Variants in SGCZ observed in about 807,000 individuals in gnomAD.
The protein encoded by SGCZ is zeta-sarcoglycan.
In SGCZ, 40 loss-of-function variants were observed where a neutral mutation model predicts 41.3. The observed-to-expected ratio is 0.97, with a 90% confidence interval of 0.75 to 1.26. The LOEUF (loss-of-function observed/expected upper bound fraction) is 1.26. SGCZ is among the 50% of genes most tolerant of loss of function. The pLI is 0.00. For synonymous variants in SGCZ, 206 were observed against 137.5 expected, an observed-to-expected ratio of 1.50 and a Z score of -3.49; for missense variants, 552 against 369.8, an observed-to-expected ratio of 1.49 and a Z score of -4.04.
Position 14,132,234 on chromosome 8 carries a change from G to A in SGCZ, c.548-23999C>T, listed in dbSNP as rs138066227. ...CTTCTACCTGCTTAAATCTGCTACT[G>A]AGCTTGGCTAGTATATGTTCTATTT... On this transcript the variant is annotated intron_variant, in intron 5 of 7. Transcript: ENST00000382080. Among the ~76,000 whole-genome samples the A allele has an allele frequency of 5.9e-3, 891 of 152,028 alleles. 6 individuals carry two copies. The highest frequency in any genetic ancestry group is 0.02 in the African/African-American group (847 of 41,470).
intron 2 of SGCZ, among the ~76,000 whole-genome samples, chr8:14,425,575 C>T (rs759097461): frequency 3.3e-5 from 5 of 151,734 alleles, no homozygotes; most frequent in African/African-American, 4.8e-5. Context: ...GAGCCAAGAT[C>T]GCGCCACTGC....
intron 1 of SGCZ, among the ~76,000 whole-genome samples, chr8:14,624,543 T>TTTATTATTATTATTATTATTATTA (rs71209070): frequency 1.9e-5 from 1 of 52,994 alleles, no homozygotes; most frequent in South Asian, 7.8e-4. Flanking sequence ...ACTCCCCAAT[T>TTTATTATTATTATTATTATTATTA]TTATTATTAT....
intron 1 of SGCZ, among the ~76,000 whole-genome samples, chr8:15,024,029 T>C (rs1261241602): frequency 6.6e-6 from 1 of 152,206 alleles, no homozygotes; most frequent in Non-Finnish European, 1.5e-5. Context: ...AAAAAGATCA[T>C]TACAAAAGTT....
chr8:14,319,360 A>C (rs1027783987), intron 3 of SGCZ: 5 of 152,010 alleles, frequency 3.3e-5, no homozygotes, highest in African/African-American at 4.8e-5. Flanking sequence ...GAGGCAAGGA[A>C]GGCATGAACC....
rs1020890334 is a variant in SGCZ, at chr8:14,086,427, G to A, written c.*4016C>T. ...GTATCAAATGCTATTTTTGTAAAAC[G>A]AGGCATTCTCTGATTGAGTCATTCG... On this transcript the variant is annotated 3_prime_UTR_variant, in exon 8 of 8. Coordinates refer to ENST00000382080, the MANE Select transcript of SGCZ (RefSeq NM_139167.4). 2.6e-5 allele frequency among the ~76,000 whole-genome samples: 4 copies of A among 151,660 alleles called. No individual in the cohort carries two copies. Among genetic ancestry groups the A allele is most frequent in the South Asian group, 2.1e-4 (1 of 4,820 alleles).
intron 2 of SGCZ, among the ~76,000 whole-genome samples, chr8:14,511,009 G>T (rs1017234832): frequency 4.6e-5 from 7 of 152,028 alleles, no homozygotes; most frequent in African/African-American, 1.7e-4. Flanking sequence ...AAGATAGATA[G>T]AAGATATTTA....
chr8:14,840,005 T>C (rs956179242), intron 1 of SGCZ, among the ~76,000 whole-genome samples: 6 of 152,114 alleles, frequency 3.9e-5, no homozygotes, highest in African/African-American at 1.4e-4. Flanking sequence ...TGCCTTTGTT[T>C]TTACACCACT....
At chr8:15,186,067 AAAAAAATAAATAAAT>A (rs1383656998) in intron 1 of SGCZ, among the ~76,000 whole-genome samples, 1 of 146,540 alleles carries the variant, frequency 6.8e-6, no homozygotes, top group East Asian at 2.0e-4. Context: ...ACTAAAAATA[AAAAAAATAAATAAAT>A]AAAAAATAAA....
chr8:14,268,717 C>G (rs1021903964), intron 3 of SGCZ, among the ~76,000 whole-genome samples: 2 of 151,668 alleles, frequency 1.3e-5, no homozygotes, highest in African/African-American at 2.4e-5. Context: ...ATTATAAAAA[C>G]AAAGATTATT....
At chr8:14,665,164 C>T (rs947635688) in intron 1 of SGCZ, among the ~76,000 whole-genome samples, 6 of 152,118 alleles carry the variant, frequency 3.9e-5, no homozygotes, top group African/African-American at 1.4e-4. Flanking sequence ...CCTCCCCCCT[C>T]TCCCCACCCC....
At chr8:14,971,162 T>C (rs1801282901) in intron 1 of SGCZ, among the ~76,000 whole-genome samples, 1 of 152,322 alleles carries the variant, frequency 6.6e-6, no homozygotes, top group African/African-American at 2.4e-5. Flanking sequence ...CTTTTTAAAA[T>C]ATTTTGTCTG....
At chr8:14,671,248 G>C (rs940970050) in intron 1 of SGCZ, among the ~76,000 whole-genome samples, 9 of 152,214 alleles carry the variant, frequency 5.9e-5, no homozygotes, top group African/African-American at 1.9e-4. Context: ...TCATGTGACA[G>C]TGGTATCTTT....
chr8:14,519,549 T>C (rs2117096836), intron 2 of SGCZ, among the ~76,000 whole-genome samples: 1 of 152,252 alleles, frequency 6.6e-6, no homozygotes. Flanking sequence ...ACATATTAGT[T>C]TTCTGAAAAA....
chr8:14,787,578 G>A (rs1800808754), intron 1 of SGCZ, among the ~76,000 whole-genome samples: 1 of 152,070 alleles, frequency 6.6e-6, no homozygotes. Context: ...GCGGGATACA[G>A]GTTCACCCCT....
intron 4 of SGCZ, among the ~76,000 whole-genome samples, chr8:14,213,897 A>G (rs1730559605): frequency 6.6e-6 from 1 of 152,160 alleles, no homozygotes; most frequent in African/African-American, 2.4e-5. Context: ...GTTTTATAAT[A>G]TCATTTATGT....
At chr8:14,469,739 T>C (rs1292800887) in intron 2 of SGCZ, among the ~76,000 whole-genome samples, 1 of 151,940 alleles carries the variant, frequency 6.6e-6, no homozygotes, top group Non-Finnish European at 1.5e-5. Context: ...TAACGGCCAA[T>C]GGCTGATGGT....
At chr8:14,517,115 G>C (rs1399198576) in intron 2 of SGCZ, among the ~76,000 whole-genome samples, 1 of 151,984 alleles carries the variant, frequency 6.6e-6, no homozygotes, top group Non-Finnish European at 1.5e-5. Context: ...AACAATGTAT[G>C]ATAACACAAT....
intron 1 of SGCZ, among the ~76,000 whole-genome samples, chr8:14,959,579 G>T (rs576671422): frequency 1.3e-5 from 2 of 152,218 alleles, no homozygotes; most frequent in South Asian, 4.1e-4. Context: ...TTCAGTGTAT[G>T]GGCTTTTTCG....
intron 1 of SGCZ, among the ~76,000 whole-genome samples, chr8:14,936,159 C>G (rs1306122886): frequency 6.6e-6 from 1 of 151,768 alleles, no homozygotes; most frequent in Non-Finnish European, 1.5e-5. Flanking sequence ...GTAGAAGAGG[C>G]GGAAAGGTAT....
Sources: gnomAD v4.1 joint callset for allele counts (sites outside exome capture counted in the v4.1 genomes callset) on GRCh38, gnomAD v4.1.1 for gene constraint, MANE v1.5 for transcripts, NCBI Gene and HGNC (gene_info 2026-07-23, HGNC 2026-07-21) for gene names.